Variants in CREB3L3 observed in about 807,000 individuals in gnomAD.
CREB3L3 encodes the protein cAMP responsive element binding protein 3 like 3.
In CREB3L3, 40 loss-of-function variants were observed where a neutral mutation model predicts 44.6. The observed-to-expected ratio is 0.90, with a 90% CI of 0.70 to 1.17. The LOEUF (loss-of-function observed/expected upper bound fraction) is 1.17, where lower values mean the gene tolerates loss of function less well. Ranked by LOEUF, CREB3L3 falls within the 50% of genes most tolerant of loss-of-function variation. The pLI, the probability that CREB3L3 is intolerant of heterozygous loss-of-function variation, is 0.00. For synonymous variants in CREB3L3, 273 were observed against 256.3 expected, an observed-to-expected ratio of 1.06 and a Z score of -0.62; for missense variants, 578 against 595.8, an observed-to-expected ratio of 0.97 and a Z score of 0.31.
At chr19:4,159,580 T>TGGA in intron 3 of CREB3L3, 84 bp from the exon 4 acceptor site, 2 of 780,882 alleles carry the variant, frequency 2.6e-6, no homozygotes, top group Non-Finnish European at 4.7e-6. Context: ...GGAGACTTGG[T>TGGA]GGAGGAGGCG....
At position 4,164,510 on chromosome 19, in the gene CREB3L3, A is replaced by T. The variant is rs755451204; in HGVS notation, c.584A>T (p.His195Leu). Residue 195 changes from histidine to leucine, a missense_variant, in exon 5 of 10, where the codon CAT (histidine) becomes CTT (leucine). His to Leu is a moderately conservative substitution (Grantham distance 99, BLOSUM62 -3). Coordinates refer to ENST00000078445, the MANE Select transcript of CREB3L3 (RefSeq NM_032607.3). ...LSGSSGDLQQ[H>L]HLGASYLLRP... ...CTCTGATTTTTTCCGTAGCAACAGC[A>T]TCACCTGGGGGCCTCCTACCTCCTG... The T allele has an allele frequency of 6.2e-7, 1 of 1,614,040 alleles. No homozygotes were observed. The highest frequency in any genetic ancestry group is 1.1e-5 in the South Asian group (1 of 91,088).
chr19:4,153,897 A>C, intron 1 of CREB3L3, 123 bp downstream of exon 1: 1 of 1,171,970 alleles, frequency 8.5e-7, no homozygotes, highest in Non-Finnish European at 1.3e-6. Context: ...TGAGGCCCAG[A>C]GAAAGGATGC....
At position 4,172,100 on chromosome 19, in the gene CREB3L3, A is replaced by G. The variant is rs1174905832; in HGVS notation, c.*131A>G. 2.0e-6 allele frequency: 2 copies of G among 994,634 alleles called. No homozygotes were observed. Among genetic ancestry groups the G allele is most frequent in the East Asian group, 5.2e-5 (2 of 38,134 alleles). The allele number at this position is 994,634 out of a possible 1,614,324, so 61.6% of individuals were successfully genotyped here. ...GCAGAGATGCCAGAATGGGGGAGGC[A>G]CAGCTCATAGCCACACACCCAGGGC... On this transcript the variant is annotated 3_prime_UTR_variant, in exon 10 of 10. Transcript: ENST00000078445.
Position 4,171,783 on chromosome 19 carries a change from G to A in CREB3L3, c.1200G>A (p.Gly400=), listed in dbSNP as rs761261412. ...GAGAAGAGTCTCCAGGAAGCCCCGG[G>A]GCAGACTGGGGCTTCCAGGACACCG... is the stretch of plus-strand genomic sequence containing the variant. ...TTREESPGSP[G]ADWGFQDTAN... The change falls in exon 10 of 10, where the codon GGG becomes GGA. Residue 400 remains glycine (G), a synonymous_variant. Transcript: ENST00000078445. This position sits in a 1 kb window ranked among gnomAD's most constrained non-coding sequence, Gnocchi z 4.9. The A allele has an allele frequency of 3.1e-6, 5 of 1,613,482 alleles. No homozygotes were observed. The highest frequency in any genetic ancestry group is 3.4e-6 in the Non-Finnish European group (4 of 1,180,004).
chr19:4,157,426 G>C (rs942849200), intron 3 of CREB3L3, 131 bp downstream of exon 3: 16 of 1,010,998 alleles, frequency 1.6e-5, no homozygotes, highest in Non-Finnish European at 2.1e-5. Flanking sequence ...GCTGGGCCCA[G>C]ACTCAAACTC....
At position 4,172,093 on chromosome 19, in the gene CREB3L3, G is replaced by T. The variant is rs372628486; in HGVS notation, c.*124G>T. 2.9e-6 allele frequency: 3 copies of T among 1,041,066 alleles called. No individual in the cohort carries two copies. The East Asian group carries it at 7.8e-5, about 27-fold the overall frequency. The allele number at this position is 1,041,066 out of a possible 1,614,324, so 64.5% of individuals were successfully genotyped here. On this transcript the variant is annotated 3_prime_UTR_variant, in exon 10 of 10. Coordinates refer to ENST00000078445, the MANE Select transcript of CREB3L3 (RefSeq NM_032607.3). The stretch of plus-strand genomic sequence containing the variant: ...GACCCCAGCAGAGATGCCAGAATGG[G>T]GGAGGCACAGCTCATAGCCACACAC...
rs1599350226 is a variant in CREB3L3, at chr19:4,172,895, C to T, written c.*926C>T. 1 of 153,766 alleles carries T rather than the reference C, an allele frequency of 6.5e-6. No individual in the cohort carries two copies. The highest frequency in any genetic ancestry group is 1.4e-5 in the Non-Finnish European group (1 of 69,066). The allele number at this position is 153,766 out of a possible 1,614,324, so 9.5% of individuals were successfully genotyped here. A position where few individuals can be genotyped will look rare whatever the true frequency, so the allele number is the denominator to read the frequency against. ...GCAGCAACTCCCCGCCCAGGGACCC[C>T]TCCCGGCCTCCCTCGCACACTGGGA... On this transcript the variant is annotated 3_prime_UTR_variant, in exon 10 of 10. Transcript: ENST00000078445.
rs1369437349 is a variant in CREB3L3, at chr19:4,171,857, T to C, written c.1274T>C (p.Leu425Pro). The change falls in exon 10 of 10, where the codon CTG (leucine) becomes CCG (proline). Residue 425 changes from leucine to proline, a missense_variant. By Grantham distance (98) the Leu-to-Pro change is moderately conservative. Transcript: ENST00000078445. The surrounding 1 kb of genome is among the most constrained non-coding windows in gnomAD (Gnocchi z 4.9). Reference sequence around the variant, plus strand: ...GAGCTGGACAACGCCACCCTGGTCCTGAGGAATGCAACAGAGGGGCTGGGC... The same window carrying C: ...GAGCTGGACAACGCCACCCTGGTCCCGAGGAATGCAACAGAGGGGCTGGGC... ...TEELDNATLV[L>P]RNATEGLGQV... The C allele has an allele frequency of 1.7e-5, 28 of 1,613,554 alleles. No individual in the cohort carries two copies. Among genetic ancestry groups the C allele is most frequent in the Non-Finnish European group, 2.3e-5 (27 of 1,179,984 alleles).
intron 4 of CREB3L3, among the ~76,000 whole-genome samples, chr19:4,161,106 G>T (rs1201184168): frequency 6.6e-6 from 1 of 151,934 alleles, no homozygotes; most frequent in Non-Finnish European, 1.5e-5. Context: ...GTAGAGATGG[G>T]GTTTAACTGT....
chr19:4,172,313 A>T lies in CREB3L3; in HGVS notation c.*344A>T. 1 of 456,184 alleles carries T rather than the reference A, an allele frequency of 2.2e-6. No homozygotes were observed. Among genetic ancestry groups the T allele is most frequent in the Non-Finnish European group, 4.0e-6 (1 of 251,700 alleles). 28.3% of individuals were successfully genotyped at this position (456,184 alleles called of 1,614,324 possible). A position where few individuals can be genotyped will look rare whatever the true frequency, so the allele number is the denominator to read the frequency against. ...GACAGACACAGCCTGAAACAGACCC[A>T]GACAAACAGACAGACAGACACAGCC... On this transcript the variant is annotated 3_prime_UTR_variant, in exon 10 of 10. Transcript: ENST00000078445.
intron 4 of CREB3L3, among the ~76,000 whole-genome samples, chr19:4,163,152 C>A (rs1038803244): frequency 2.0e-5 from 3 of 151,066 alleles, no homozygotes; most frequent in Non-Finnish European, 4.4e-5. Flanking sequence ...CTAAAAATAA[C>A]AAAAAATTAG....
At chr19:4,163,103 C>A (rs905082714) in intron 4 of CREB3L3, among the ~76,000 whole-genome samples, 1 of 151,962 alleles carries the variant, frequency 6.6e-6, no homozygotes, top group Non-Finnish European at 1.5e-5. Context: ...GTCAGGAGAT[C>A]GAGACCTTCC....
intron 1 of CREB3L3, among the ~76,000 whole-genome samples, chr19:4,154,149 G>C (rs2041543792): frequency 6.6e-6 from 1 of 152,048 alleles, no homozygotes; most frequent in African/African-American, 2.4e-5. Context: ...TCAGCTCACT[G>C]CAACTTCCAC....
intron 2 of CREB3L3, among the ~76,000 whole-genome samples, chr19:4,155,706 CCTTCCTTCCTTTTTTCCTTCCTTT>C (rs2041563033): frequency 6.7e-6 from 1 of 149,742 alleles, no homozygotes; most frequent in African/African-American, 2.5e-5. Flanking sequence ...TTCCTTCCTT[CCTTCCTTCCTTTTTTCCTTCCTTT>C]CTCCCTCTTT....
intron 4 of CREB3L3, among the ~76,000 whole-genome samples, chr19:4,163,972 T>G (rs1415452627): frequency 7.2e-6 from 1 of 137,934 alleles, no homozygotes; most frequent in Non-Finnish European, 1.6e-5. Context: ...GTCGGGTAAT[T>G]TTTTTTTTTT....
chr19:4,154,070 T>A (rs183209371), intron 1 of CREB3L3, among the ~76,000 whole-genome samples: 79 of 152,132 alleles, frequency 5.2e-4, no homozygotes, highest in Admixed American at 1.5e-3. Flanking sequence ...TATTTTATTT[T>A]ATTTTTATTT....
At chr19:4,161,251 C>G (rs1443615882) in intron 4 of CREB3L3, among the ~76,000 whole-genome samples, 1 of 151,056 alleles carries the variant, frequency 6.6e-6, no homozygotes, top group Non-Finnish European at 1.5e-5. Context: ...CGTGAGCCAC[C>G]GTGCCCCGTT....
chr19:4,169,307 G>C (rs1186938332), intron 6 of CREB3L3, among the ~76,000 whole-genome samples: 2 of 151,650 alleles, frequency 1.3e-5, no homozygotes, highest in African/African-American at 4.8e-5. Flanking sequence ...GTGAAACTCT[G>C]TCTTTACAAA....
chr19:4,156,930 C>CCACA, intron 2 of CREB3L3, 65 bp from the exon 3 acceptor site: 1 of 1,551,150 alleles, frequency 6.4e-7, no homozygotes, highest in Non-Finnish European at 8.9e-7. Flanking sequence ...TTCCCTGGGG[C>CCACA]CACACACTAA....
Sources: allele counts gnomAD v4.1 joint callset (sites outside exome capture counted in the v4.1 genomes callset), GRCh38; gene constraint gnomAD v4.1.1; non-coding constraint Gnocchi (gnomAD v3.1); transcripts MANE v1.5; gene names NCBI Gene and HGNC (gene_info 2026-07-23, HGNC 2026-07-21).